Variants in DOCK11 observed in about 807,000 individuals in gnomAD.
DOCK11 encodes the protein dedicator of cytokinesis 11.
Under a neutral mutation model 169.1 loss-of-function variants are expected in DOCK11, and 70 were observed. That is an observed-to-expected ratio of 0.41 (90% CI 0.34 to 0.51). The LOEUF (loss-of-function observed/expected upper bound fraction) is 0.51, where lower values mean the gene tolerates loss of function less well. Ranked by LOEUF, DOCK11 falls within the 20% of genes least tolerant of loss-of-function variation. The pLI, the probability that DOCK11 is intolerant of heterozygous loss-of-function variation, is 0.10. For missense variants in DOCK11, 1,166 were observed against 1,538.8 expected (o/e 0.76, Z 4.05); for synonymous variants, 529 against 541.3 (o/e 0.98, Z 0.32).
chrX:118,586,130 T>G (rs1384686608), intron 16 of DOCK11, among the ~76,000 whole-genome samples: 3 of 111,744 alleles, frequency 2.7e-5, no homozygotes, highest in African/African-American at 9.8e-5. Context: ...ACTGAATAAC[T>G]ATCTATTGAG....
chrX:118,579,927 T>C (rs186475400), intron 13 of DOCK11, among the ~76,000 whole-genome samples, 170 bp from the exon 14 acceptor site: 2 of 111,977 alleles, frequency 1.8e-5, no homozygotes, highest in African/African-American at 6.5e-5. Flanking sequence ...TGAAATACTT[T>C]GGACTTGAAA....
At chrX:118,681,668 C>T in intron 50 of DOCK11, 26 bp from the exon 51 acceptor site, 1 of 1,056,323 alleles carries the variant, frequency 9.5e-7, no homozygotes, top group Non-Finnish European at 1.3e-6. Context: ...TGGAAACACT[C>T]TCATTTTTCT....
intron 1 of DOCK11, among the ~76,000 whole-genome samples, chrX:118,510,483 G>A (rs1478540166): frequency 2.7e-5 from 3 of 112,078 alleles, no homozygotes; most frequent in African/African-American, 9.7e-5. Flanking sequence ...CAGACTTGAG[G>A]TGTTTTAGGA....
At position 118,566,157 on chromosome X, in the gene DOCK11, A is replaced by C. The variant is rs912597474; in HGVS notation, c.846A>C (p.Lys282Asn). The C allele has an allele frequency of 1.7e-6, 2 of 1,204,497 alleles. No homozygotes were observed. The highest frequency in any genetic ancestry group is 2.2e-6 in the Non-Finnish European group (2 of 892,849). Residue 282 changes from lysine (K) to asparagine (N), a missense_variant, in exon 8 of 53, where the codon AAA becomes AAC. By Grantham distance (94) the Lys-to-Asn change is moderately conservative. Coordinates refer to ENST00000276202, the MANE Select transcript of DOCK11 (RefSeq NM_144658.4). ...QINTDSLVQEKKETVETAQDD... is the reference protein window; with the variant it reads ...QINTDSLVQENKETVETAQDD... ...ACACCGACAGTTTAGTTCAAGAAAA[A>C]AAGGAGACGGTAGAAACAGCACAAG...
At chrX:118,610,490 G>A (rs2014655805) in intron 28 of DOCK11, 72 bp downstream of exon 28, 1 of 1,111,760 alleles carries the variant, frequency 9.0e-7, no homozygotes, top group Admixed American at 2.6e-5. Context: ...AAAAAATTAA[G>A]CACTTTCTAG....
At chrX:118,510,517 G>A (rs748532993) in intron 1 of DOCK11, among the ~76,000 whole-genome samples, 2 of 111,784 alleles carry the variant, frequency 1.8e-5, no homozygotes, top group East Asian at 5.6e-4. Context: ...GACACTTTGC[G>A]GGCATTTAGC....
At chrX:118,577,037 A>G (rs2013470284) in intron 12 of DOCK11, among the ~76,000 whole-genome samples, 1 of 112,493 alleles carries the variant, frequency 8.9e-6, no homozygotes. Flanking sequence ...CTGAACTGCA[A>G]TCTTCTTCAC....
chrX:118,647,940 T>TATTATA (rs1213103713), intron 40 of DOCK11, among the ~76,000 whole-genome samples: 5 of 29,986 alleles, frequency 1.7e-4, no homozygotes, highest in African/African-American at 1.4e-3. Context: ...ATAATATATT[T>TATTATA]TATAATATAT....
intron 1 of DOCK11, among the ~76,000 whole-genome samples, chrX:118,496,335 G>T (rs1388794594): frequency 8.9e-6 from 1 of 112,221 alleles, no homozygotes; most frequent in East Asian, 2.9e-4. Flanking sequence ...CGGCTGCGGA[G>T]GAGGCGGAGG....
At chrX:118,647,938 T>TAATATA (rs1253280287) in intron 40 of DOCK11, among the ~76,000 whole-genome samples, 5 of 37,348 alleles carry the variant, frequency 1.3e-4, no homozygotes, top group African/African-American at 1.0e-3. Context: ...AAATAATATA[T>TAATATA]TTTATAATAT....
intron 13 of DOCK11, 78 bp downstream of exon 13, chrX:118,578,725 CT>C (rs936643196): frequency 1.0e-6 from 1 of 976,441 alleles, no homozygotes; most frequent in Non-Finnish European, 1.4e-6. Flanking sequence ...AATGCCATTG[CT>C]TTGAGCATGC....
chrX:118,518,693 A>G (rs934243035), intron 1 of DOCK11, among the ~76,000 whole-genome samples: 6 of 112,356 alleles, frequency 5.3e-5, no homozygotes, highest in African/African-American at 1.6e-4. Flanking sequence ...AGTGGTGGAT[A>G]CATGCCATTA....
At chrX:118,560,163 A>C (rs2012857848) in intron 6 of DOCK11, among the ~76,000 whole-genome samples, 2 of 111,604 alleles carry the variant, frequency 1.8e-5, no homozygotes, top group Non-Finnish European at 3.8e-5. Context: ...AATAAATATC[A>C]ATGTTATTTA....
rs969873570 is a variant in DOCK11, at chrX:118,574,303, C to T, written c.1389+285C>T. Among the ~76,000 whole-genome samples the T allele has an allele frequency of 7.1e-5, 8 of 111,925 alleles. No homozygotes were observed. The South Asian group carries it at 1.1e-3, about 16-fold the overall frequency. On this transcript the variant is annotated intron_variant, in intron 12 of 52. Coordinates refer to ENST00000276202, the MANE Select transcript of DOCK11 (RefSeq NM_144658.4). Reference sequence around the variant, plus strand: ...GAACCAGGCCAGGCGTGGTGGCTCACGCCTGTAATCCCAGCACTATGGGAG... The same window carrying T: ...GAACCAGGCCAGGCGTGGTGGCTCATGCCTGTAATCCCAGCACTATGGGAG...
intron 44 of DOCK11, 147 bp from the exon 45 acceptor site, chrX:118,662,539 A>G (rs1440098914): frequency 2.5e-6 from 1 of 402,541 alleles, no homozygotes; most frequent in African/African-American, 2.5e-5. Flanking sequence ...CAAATTTAAA[A>G]ATTTTTGTAA....
chrX:118,615,500 A>G, intron 29 of DOCK11, 100 bp from the exon 30 acceptor site: 1 of 633,229 alleles, frequency 1.6e-6, no homozygotes, highest in East Asian at 3.6e-5. Context: ...TGCTTAGAAT[A>G]CTAAGCACTT....
intron 23 of DOCK11, among the ~76,000 whole-genome samples, chrX:118,600,382 G>A (rs1456570570): frequency 5.8e-5 from 6 of 103,248 alleles, no homozygotes; most frequent in African/African-American, 2.1e-4. Flanking sequence ...GGGTGACAGC[G>A]AGATTCTGGT....
chrX:118,682,944 A>T, intron 51 of DOCK11, 135 bp from the exon 52 acceptor site: 1 of 578,032 alleles, frequency 1.7e-6, no homozygotes, highest in East Asian at 3.5e-5. Context: ...TAAGAAATAA[A>T]TGCACAGTGA....
intron 45 of DOCK11, among the ~76,000 whole-genome samples, chrX:118,666,787 G>A (rs377147136): frequency 1.8e-5 from 2 of 111,642 alleles, no homozygotes; most frequent in South Asian, 3.7e-4. Context: ...AGAAATTTCC[G>A]AAGAGTTTCT....
Sources: gnomAD v4.1 joint callset for allele counts (sites outside exome capture counted in the v4.1 genomes callset) on GRCh38, gnomAD v4.1.1 for gene constraint, MANE v1.5 for transcripts, NCBI Gene and HGNC (gene_info 2026-07-23, HGNC 2026-07-21) for gene names.